The following GARS1 variants were observed in gnomAD, a reference collection of about 807,000 sequenced individuals.
GARS1 encodes the protein glycine--tRNA ligase.
Under a neutral mutation model 86.4 loss-of-function variants are expected in GARS1, and 46 were observed. The observed-to-expected ratio is 0.53, with a 90% CI of 0.42 to 0.68. The LOEUF (loss-of-function observed/expected upper bound fraction) is 0.68. GARS1 is among the 30% of genes least tolerant of loss of function. The probability of loss-of-function intolerance (pLI) is 0.00; values close to 1 mark genes in which losing one functional copy is unlikely to be tolerated. For synonymous variants in GARS1, 342 were observed against 329.8 expected (o/e 1.04, Z -0.40); for missense variants, 797 against 915.6 (o/e 0.87, Z 1.67).
At position 30,632,361 on chromosome 7, in the gene GARS1, A is replaced by G; in HGVS notation, c.2018A>G (p.Asp673Gly). ...GGCGTGGCTTTTGGTGTCACCATTGACTTTGACACAGTGAACAAGACCCCC... is the reference window on the plus strand; with the variant it reads ...GGCGTGGCTTTTGGTGTCACCATTGGCTTTGACACAGTGAACAAGACCCCC... ...EIGVAFGVTI[D>G]FDTVNKTPHT... Residue 673 changes from aspartate (D) to glycine (G), a missense_variant, in exon 16 of 17, where the codon GAC (aspartate) becomes GGC (glycine). By Grantham distance (94) the Asp-to-Gly change is moderately conservative (BLOSUM62 -1). Around this residue, in one of 2 missense-constraint regions of GARS1, gnomAD observed 598 missense variants for 738.7 expected, o/e 0.81. Coordinates refer to ENST00000389266, the MANE Select transcript of GARS1 (RefSeq NM_002047.4). This position sits in a 1 kb window ranked among gnomAD's most constrained non-coding sequence, Gnocchi z 4.1. 6.2e-7 allele frequency: 1 copy of G among 1,614,038 alleles called. No homozygotes were observed. The highest frequency in any genetic ancestry group is 8.5e-7 in the Non-Finnish European group (1 of 1,180,002).
chr7:30,599,915 C>T (rs776324408), intron 2 of GARS1, 32 bp from the exon 3 acceptor site: 5 of 1,359,452 alleles, frequency 3.7e-6, no homozygotes, highest in Non-Finnish European at 5.3e-6. Context: ...CCCACCCCTC[C>T]ACTCACTCAC....
rs1783019677 is a variant in GARS1, at chr7:30,622,033, C to T, written c.1468-284C>T. On this transcript the variant is annotated intron_variant, in intron 11 of 16. Transcript: ENST00000389266. Reference sequence around the variant, plus strand: ...TTTTGAGCATTTTAGAAATACTTATCAGAAGTTCTTATGCTATGGGTTGGG... The same window carrying T: ...TTTTGAGCATTTTAGAAATACTTATTAGAAGTTCTTATGCTATGGGTTGGG... 3.4e-5 allele frequency: 15 copies of T among 443,318 alleles called. 1 individual carries two copies. Among genetic ancestry groups the T allele is most frequent in the South Asian group, 3.1e-4 (14 of 45,576 alleles). 27.5% of individuals were successfully genotyped at this position (443,318 alleles called of 1,614,324 possible). A position where few individuals can be genotyped will look rare whatever the true frequency, so the allele number is the denominator to read the frequency against.
At chr7:30,623,768 C>T (rs575910048) in intron 12 of GARS1, among the ~76,000 whole-genome samples, 5 of 152,080 alleles carry the variant, frequency 3.3e-5, no homozygotes, top group African/African-American at 4.8e-5. Context: ...CATGAAGACC[C>T]GTGAGAATCA....
chr7:30,608,534 T>TA (rs1311576548), intron 6 of GARS1, among the ~76,000 whole-genome samples: 1 of 152,192 alleles, frequency 6.6e-6, no homozygotes, highest in East Asian at 1.9e-4. Context: ...TCTGTAGAAA[T>TA]AGAGTCTAGA....
At chr7:30,613,082 C>T (rs577852969) in intron 8 of GARS1, among the ~76,000 whole-genome samples, 1 of 152,296 alleles carries the variant, frequency 6.6e-6, no homozygotes, top group East Asian at 1.9e-4. Flanking sequence ...ACTGTAATTA[C>T]AGACTTGGGT....
chr7:30,618,750 CAT>C (rs1465030350), intron 10 of GARS1, among the ~76,000 whole-genome samples: 1 of 152,162 alleles, frequency 6.6e-6, no homozygotes, highest in Non-Finnish European at 1.5e-5. Flanking sequence ...TAATAATATG[CAT>C]ATGTTTATAA....
intron 6 of GARS1, among the ~76,000 whole-genome samples, chr7:30,605,388 T>G (rs1229835597): frequency 6.6e-6 from 1 of 152,232 alleles, no homozygotes; most frequent in African/African-American, 2.4e-5. Flanking sequence ...TATGAAAAAT[T>G]CAAAACATAC....
At chr7:30,606,908 A>G (rs1460119135) in intron 6 of GARS1, among the ~76,000 whole-genome samples, 5 of 152,204 alleles carry the variant, frequency 3.3e-5, no homozygotes, top group Admixed American at 1.3e-4. Flanking sequence ...GGTTTTTACT[A>G]TATTAATCTT....
chr7:30,622,811 AT>A, intron 12 of GARS1: 1 of 315,056 alleles, frequency 3.2e-6, no homozygotes, highest in African/African-American at 2.2e-5. Flanking sequence ...AATATAAACA[AT>A]AGAGAAGGCC....
intron 8 of GARS1, among the ~76,000 whole-genome samples, chr7:30,615,684 A>G (rs1782877041): frequency 6.6e-6 from 1 of 152,224 alleles, no homozygotes; most frequent in Admixed American, 6.5e-5. Context: ...ATAATACATC[A>G]AAAAAATAAA....
chr7:30,607,688 A>G (rs58891283), intron 6 of GARS1, among the ~76,000 whole-genome samples: 3,779 of 152,270 alleles, frequency 0.025, 147 homozygotes, highest in African/African-American at 0.086. Flanking sequence ...CTAGAACTTA[A>G]AGTATAATAA....
chr7:30,602,387 A>G (rs1791398238), intron 4 of GARS1, among the ~76,000 whole-genome samples: 1 of 152,220 alleles, frequency 6.6e-6, no homozygotes, highest in African/African-American at 2.4e-5. Context: ...TGAAAGAGGA[A>G]TTCTTGCCAT....
intron 10 of GARS1, among the ~76,000 whole-genome samples, chr7:30,617,652 A>G (rs60323633): frequency 0.088 from 13,438 of 152,208 alleles, 1,980 homozygotes; most frequent in African/African-American, 0.3. Flanking sequence ...AAAGAAAGTC[A>G]TAGTGCTCTT....
chr7:30,604,773 A>G (rs1433396889), intron 6 of GARS1, among the ~76,000 whole-genome samples: 1 of 152,204 alleles, frequency 6.6e-6, no homozygotes, highest in Non-Finnish European at 1.5e-5. Context: ...TCATTTTCTT[A>G]TCCAAAGGCA....
Position 30,632,350 on chromosome 7 carries a change from T to G in GARS1, c.2007T>G (p.Gly669=). The G allele has an allele frequency of 6.2e-7, 1 of 1,614,212 alleles. No homozygotes were observed. The highest frequency in any genetic ancestry group is 8.5e-7 in the Non-Finnish European group (1 of 1,180,040). ...ARTDEIGVAF[G]VTIDFDTVNK... is the part of the protein sequence containing the mutation. ...CTGATGAGATTGGCGTGGCTTTTGG[T>G]GTCACCATTGACTTTGACACAGTGA... Residue 669 remains glycine, a synonymous_variant, in exon 16 of 17, where the codon GGT becomes GGG. Coordinates refer to ENST00000389266, the MANE Select transcript of GARS1 (RefSeq NM_002047.4). This position sits in a 1 kb window ranked among gnomAD's most constrained non-coding sequence, Gnocchi z 4.1.
At position 30,609,716 on chromosome 7, in the gene GARS1, A is replaced by G; in HGVS notation, c.867A>G (p.Gly289=). Residue 289 remains glycine (G), a synonymous_variant, in exon 7 of 17, where the codon GGA becomes GGG. Transcript: ENST00000389266. The part of the protein sequence containing the change: ...NLMFKTFIGP[G]GNMPGYLRPE... ...TGTTCAAGACTTTCATTGGGCCTGG[A>G]GGAAACATGCCTGGGTATGTATCAC... 1.2e-6 allele frequency: 2 copies of G among 1,613,668 alleles called. No individual in the cohort carries two copies. The highest frequency in any genetic ancestry group is 1.7e-6 in the Non-Finnish European group (2 of 1,179,670).
At chr7:30,608,059 G>A (rs928675862) in intron 6 of GARS1, among the ~76,000 whole-genome samples, 2 of 152,118 alleles carry the variant, frequency 1.3e-5, no homozygotes, top group Non-Finnish European at 2.9e-5. Flanking sequence ...GCATTGTGTG[G>A]ATATATTTTA....
chr7:30,594,743 G>C, upstream of GARS1: 3 of 603,778 alleles, frequency 5.0e-6, no homozygotes, highest in Non-Finnish European at 8.7e-6. Context: ...CCTTCGGCGG[G>C]GTCCTTCCGG....
Position 30,617,272 on chromosome 7 carries a change from A to G in GARS1, c.1353A>G (p.Thr451=). ...ACTGTTGGGATGCAGAATCCAAAAC[A>G]TCCTACGTAAGTGGAGTGCTGTTTA... ...ACDCWDAESK[T]SYGWIEIVGC... is the part of the protein sequence containing the mutation. The change falls in exon 10 of 17, where the codon ACA becomes ACG. Residue 451 remains threonine, a synonymous_variant. Transcript: ENST00000389266. 6.2e-7 allele frequency: 1 copy of G among 1,613,950 alleles called. No homozygotes were observed. The highest frequency in any genetic ancestry group is 1.3e-5 in the African/African-American group (1 of 75,048).
Sources: allele counts gnomAD v4.1 joint callset (sites outside exome capture counted in the v4.1 genomes callset), GRCh38; gene constraint gnomAD v4.1.1; regional missense constraint gnomAD v4.1.1; non-coding constraint Gnocchi (gnomAD v3.1); transcripts MANE v1.5; gene names NCBI Gene and HGNC (gene_info 2026-07-23, HGNC 2026-07-21).